KIF1A: variants seen among roughly 807,000 people sequenced by gnomAD.
The protein encoded by KIF1A is kinesin-like protein KIF1A.
In KIF1A, 46 loss-of-function variants were observed where a neutral mutation model predicts 227.3. That is an observed-to-expected ratio of 0.20 (90% CI 0.16 to 0.26). KIF1A has a LOEUF of 0.26. KIF1A is among the 10% of genes least tolerant of loss of function. KIF1A has a pLI of 1.00. For missense variants in KIF1A, 1,683 were observed against 2,485.9 expected (o/e 0.68, Z 6.87); for synonymous variants, 1,022 against 1,012.8 (o/e 1.01, Z -0.17).
rs2056072504 is a variant in KIF1A at position 240,794,009 on chromosome 2, G to A, written c.106+3638C>T. On this transcript the variant is annotated intron_variant, in intron 2 of 48. Transcript: ENST00000498729. ...CTGCAGCTGAGAAGTCACCAGGGACGGTGGCTCCTGTGAGTGCTCCTGGCA... is the reference window on the plus strand; with the variant it reads ...CTGCAGCTGAGAAGTCACCAGGGACAGTGGCTCCTGTGAGTGCTCCTGGCA... 2.0e-5 allele frequency among the ~76,000 whole-genome samples: 3 copies of A among 152,202 alleles called. No individual in the cohort carries two copies. The South Asian group carries it at 6.2e-4, about 32-fold the overall frequency.
rs1033915106 is a variant in KIF1A, at chr2:240,739,928, T to A, written c.3901+130A>T. 7.3e-6 allele frequency: 5 copies of A among 683,096 alleles called. No individual in the cohort carries two copies. Among genetic ancestry groups the A allele is most frequent in the African/African-American group, 3.6e-5 (2 of 56,234 alleles). 42.3% of individuals were successfully genotyped at this position (683,096 alleles called of 1,614,324 possible). ...GAGGAAGTGAGTCACAGAGAGATTATGTGACCCGGCCAGGGTCACGCAGCA... is the reference window on the plus strand; with the variant it reads ...GAGGAAGTGAGTCACAGAGAGATTAAGTGACCCGGCCAGGGTCACGCAGCA... On this transcript the variant is annotated intron_variant, in intron 37 of 48. Coordinates refer to ENST00000498729, the MANE Select transcript of KIF1A (RefSeq NM_001244008.2). This position sits in a 1 kb window ranked among gnomAD's most constrained non-coding sequence, Gnocchi z 5.6.
chr2:240,800,038 C>T (rs1260604437), intron 1 of KIF1A, among the ~76,000 whole-genome samples: 2 of 150,838 alleles, frequency 1.3e-5, no homozygotes, highest in African/African-American at 4.9e-5. Flanking sequence ...ATCATATATC[C>T]TACAGAGCTA....
chr2:240,788,034 C>CCCCCCCCCCCTCGGG lies in KIF1A; in HGVS notation c.363+16_363+17insCCCGAGGGGGGGGGG. ...CCCATCTGCCAGGGCTGCCCCCGCC[C>CCCCCCCCCCCTCGGG]GCCCCCCGCTTCGTGCCTGTGGGAT... On this transcript the variant is annotated intron_variant, in intron 4 of 48. Coordinates refer to ENST00000498729, the MANE Select transcript of KIF1A (RefSeq NM_001244008.2). The surrounding 1 kb of genome is among the most constrained non-coding windows in gnomAD (Gnocchi z 6.6). 4.8e-6 allele frequency: 7 copies of CCCCCCCCCCCTCGGG among 1,449,054 alleles called. No homozygotes were observed. The highest frequency in any genetic ancestry group is 6.6e-6 in the Non-Finnish European group (7 of 1,059,092). The allele number at this position is 1,449,054 out of a possible 1,614,324, so 89.8% of individuals were successfully genotyped here. A position where few individuals can be genotyped will look rare whatever the true frequency, so the allele number is the denominator to read the frequency against.
Position 240,788,041 on chromosome 2 carries a change from C to CCCCGG in KIF1A, c.363+9_363+10insCCGGG. 2.6e-6 allele frequency: 4 copies of CCCCGG among 1,520,670 alleles called. No individual in the cohort carries two copies. Among genetic ancestry groups the CCCCGG allele is most frequent in the Non-Finnish European group, 3.6e-6 (4 of 1,121,302 alleles). The allele number at this position is 1,520,670 out of a possible 1,614,324, so 94.2% of individuals were successfully genotyped here. On this transcript the variant is annotated intron_variant, in intron 4 of 48. Coordinates refer to ENST00000498729, the MANE Select transcript of KIF1A (RefSeq NM_001244008.2). This position sits in a 1 kb window ranked among gnomAD's most constrained non-coding sequence, Gnocchi z 6.6. The stretch of plus-strand genomic sequence containing the variant: ...GCCAGGGCTGCCCCCGCCCGCCCCC[C>CCCCGG]GCTTCGTGCCTGTGGGATGATGCCC...
intron 27 of KIF1A, among the ~76,000 whole-genome samples, chr2:240,751,995 G>A (rs2125833503): frequency 6.6e-6 from 1 of 152,236 alleles, no homozygotes; most frequent in African/African-American, 2.4e-5. Flanking sequence ...GCCCTGCTAA[G>A]CTGAGACCTC....
At chr2:240,720,143 G>C (rs541589015) in intron 45 of KIF1A, 271 of 445,456 alleles carry the variant, frequency 6.1e-4, no homozygotes, top group Non-Finnish European at 6.4e-4. Context: ...TGGTGGGCAG[G>C]GTCCCCCAGG....
intron 10 of KIF1A, among the ~76,000 whole-genome samples, chr2:240,780,536 G>C (rs2053520677): frequency 6.6e-6 from 1 of 151,984 alleles, no homozygotes; most frequent in East Asian, 1.9e-4. Context: ...GCTGCACAGA[G>C]AGCTCTGCAC....
chr2:240,789,742 T>C lies in KIF1A; in HGVS notation c.107-430A>G, dbSNP rs2055426134. On this transcript the variant is annotated intron_variant, in intron 2 of 48. Coordinates refer to ENST00000498729, the MANE Select transcript of KIF1A (RefSeq NM_001244008.2). The surrounding 1 kb of genome is among the most constrained non-coding windows in gnomAD (Gnocchi z 4.8). ...CAGCGTGCACGTGCCCGAGAAGCGC[T>C]GGAAGCCTGGGCGTCCATCACGTTT... 1.3e-5 allele frequency among the ~76,000 whole-genome samples: 2 copies of C among 152,140 alleles called. No individual in the cohort carries two copies. Among genetic ancestry groups the C allele is most frequent in the African/African-American group, 4.8e-5 (2 of 41,436 alleles).
rs925447777 is a variant in KIF1A at position 240,804,243 on chromosome 2, G to A, written c.-60-6431C>T. On this transcript the variant is annotated intron_variant, in intron 1 of 48. Coordinates refer to ENST00000498729, the MANE Select transcript of KIF1A (RefSeq NM_001244008.2). ...ATCACGCCACTGCACTCCAGCCTGG[G>A]TGACAGAGCGAGACTCCGTCTCAAA... Among the ~76,000 whole-genome samples the A allele has an allele frequency of 3.9e-5, 6 of 152,208 alleles. No homozygotes were observed. The South Asian group carries it at 1.2e-3, about 32-fold the overall frequency.
rs1454271542 is a variant in KIF1A at position 240,766,749 on chromosome 2, T to TCTCTCTCTCTCTCTCTCTCTCTCACA, written c.1684+165_1684+166insTGTGAGAGAGAGAGAGAGAGAGAGAG. Among the ~76,000 whole-genome samples, 1 of 108,974 alleles carries TCTCTCTCTCTCTCTCTCTCTCTCACA rather than the reference T, an allele frequency of 9.2e-6. No homozygotes were observed. The highest frequency in any genetic ancestry group is 1.8e-5 in the Non-Finnish European group (1 of 56,762). 71.5% of individuals were successfully genotyped at this position (108,974 alleles called of 152,430 possible). On this transcript the variant is annotated intron_variant, in intron 19 of 48. Coordinates refer to ENST00000498729, the MANE Select transcript of KIF1A (RefSeq NM_001244008.2). This position sits in a 1 kb window ranked among gnomAD's most constrained non-coding sequence, Gnocchi z 5.0. ...CTCTCTCTCTCTCTCTCTCTCTCTC[T>TCTCTCTCTCTCTCTCTCTCTCTCACA]CACACACACACACACACACACACAC...
chr2:240,722,610 G>A lies in KIF1A; in HGVS notation c.4511C>T (p.Thr1504Ile), dbSNP rs371831198. The change falls in exon 43 of 49, where the codon ACC (threonine) becomes ATC (isoleucine). Residue 1504 changes from threonine (T) to isoleucine (I), a missense_variant. Thr to Ile is a moderately conservative substitution (Grantham distance 89). Around this residue, in one of 12 missense-constraint regions of KIF1A, gnomAD observed 384 missense variants for 410.1 expected, o/e 0.94. Transcript: ENST00000498729. ...TGCCTCCGGGACAGGCCGCTGGGCG[G>A]TCTCCAGCTTCTCCCGCAGGAGCAG... ...HYLLLREKLE[T>I]AQRPVPEALS... 139 of 1,564,400 alleles carry A rather than the reference G, an allele frequency of 8.9e-5. 1 individual carries two copies. The Middle Eastern group carries it at 1.1e-3, about 13-fold the overall frequency.
chr2:240,748,106 C>T (rs867886091), intron 28 of KIF1A, among the ~76,000 whole-genome samples: 1 of 152,228 alleles, frequency 6.6e-6, no homozygotes, highest in African/African-American at 2.4e-5. Context: ...CGGCAGGAGG[C>T]CTGGCGACGC....
At chr2:240,786,835 C>CCAG (rs1310781016) in intron 5 of KIF1A, among the ~76,000 whole-genome samples, 1 of 151,842 alleles carries the variant, frequency 6.6e-6, no homozygotes, top group Non-Finnish European at 1.5e-5. Context: ...AGGGTGGGGG[C>CCAG]TGCCTGCTGA....
Position 240,761,360 on chromosome 2 carries a change from C to A in KIF1A, c.2134G>T (p.Glu712Ter). 1 of 1,610,124 alleles carries A rather than the reference C, an allele frequency of 6.2e-7. No homozygotes were observed. Among genetic ancestry groups the A allele is most frequent in the Non-Finnish European group, 8.5e-7 (1 of 1,177,580 alleles). ...AAGGCCCAGAGCGCCAGCTCACACTCCCGCTCTGTCCACTGGACTGTGGGG... is the reference window on the plus strand; with the variant it reads ...AAGGCCCAGAGCGCCAGCTCACACTACCGCTCTGTCCACTGGACTGTGGGG... Reference protein sequence around the residue: ...PEDEVQWTERECELALWAFRK... With the variant: ...PEDEVQWTER The change falls in exon 24 of 49, where the codon GAG (glutamate) becomes TAG (stop). Residue 712 changes from glutamate (E) to a stop codon, truncating the protein, a stop_gained. Transcript: ENST00000498729. LOFTEE classifies it high-confidence loss of function.
intron 8 of KIF1A, 111 bp from the exon 9 acceptor site, chr2:240,783,220 C>T (rs546088153): frequency 8.9e-5 from 76 of 856,742 alleles, no homozygotes; most frequent in African/African-American, 5.9e-4. Context: ...GCCACCACTG[C>T]AGCTGCTGAT....
Position 240,746,213 on chromosome 2 carries a change from G to A in KIF1A, c.3064-36C>T, listed in dbSNP as rs531193653. On this transcript the variant is annotated intron_variant, in intron 29 of 48. Coordinates refer to ENST00000498729, the MANE Select transcript of KIF1A (RefSeq NM_001244008.2). ...GGGGACCAGAGTCAGAGAGAGCCAG[G>A]AGCCAGCCGAGGAGGGGCACCGTAG... The A allele has an allele frequency of 6.1e-5, 95 of 1,547,336 alleles. No individual in the cohort carries two copies. The South Asian group carries it at 8.0e-4, about 13-fold the overall frequency.
intron 25 of KIF1A, 101 bp downstream of exon 25, chr2:240,760,564 C>G: frequency 1.2e-6 from 1 of 835,290 alleles, no homozygotes; most frequent in Non-Finnish European, 1.7e-6. Context: ...GCGGTGTCTG[C>G]AGGTACTCGC....
rs1575639075 is a variant in KIF1A at position 240,789,293 on chromosome 2, C to T, written c.126G>A (p.Gln42=). The change falls in exon 3 of 49, where the codon CAG becomes CAA. Residue 42 remains glutamine, a synonymous_variant. Transcript: ENST00000498729. This position sits in a 1 kb window ranked among gnomAD's most constrained non-coding sequence, Gnocchi z 4.8. ...GSTTTIVNPK[Q]PKETPKSFSF... Reference sequence around the variant, plus strand: ...TGAAGCTTTTGGGCGTCTCCTTGGGCTGTTTGGGGTTAACAATGGCTGTGG... The same window carrying T: ...TGAAGCTTTTGGGCGTCTCCTTGGGTTGTTTGGGGTTAACAATGGCTGTGG... 1 of 1,613,844 alleles carries T rather than the reference C, an allele frequency of 6.2e-7. No homozygotes were observed. Among genetic ancestry groups the T allele is most frequent in the South Asian group, 1.1e-5 (1 of 91,076 alleles).
At chr2:240,731,418 G>T (rs1010575337) in intron 38 of KIF1A, among the ~76,000 whole-genome samples, 2 of 152,296 alleles carry the variant, frequency 1.3e-5, no homozygotes, top group East Asian at 3.9e-4. Context: ...CACCAGCAGC[G>T]CTGGGCTGCA....
Sources: gnomAD v4.1 joint callset for allele counts (sites outside exome capture counted in the v4.1 genomes callset) on GRCh38, gnomAD v4.1.1 for gene constraint, gnomAD v4.1.1 regional missense constraint, Gnocchi (gnomAD v3.1) non-coding constraint, MANE v1.5 for transcripts, NCBI Gene and HGNC (gene_info 2026-07-23, HGNC 2026-07-21) for gene names.